CRIPT: variants seen among roughly 807,000 people sequenced by gnomAD.
CRIPT encodes cysteine-rich PDZ-binding protein.
A neutral mutation model predicts 16.6 loss-of-function variants in CRIPT; 20 were observed. That is an observed-to-expected ratio of 1.20 (90% confidence interval 0.85 to 1.75). CRIPT has a LOEUF of 1.75. Ranked by LOEUF, CRIPT falls within the 40% of genes most tolerant of loss-of-function variation. The probability of loss-of-function intolerance (pLI) is 0.00; values close to 1 mark genes in which losing one functional copy is unlikely to be tolerated. For missense variants in CRIPT, 133 were observed against 115.3 expected (o/e 1.15, Z -0.70); for synonymous variants, 42 against 37.0 (o/e 1.14, Z -0.49).
chr2:46,620,964 A>C (rs1237225432), intron 3 of CRIPT, among the ~76,000 whole-genome samples: 1 of 151,956 alleles, frequency 6.6e-6, no homozygotes, highest in African/African-American at 2.4e-5. Context: ...ATCCATCAGC[A>C]AGTTCTTTGG....
rs1194371105 is a variant in CRIPT, at chr2:46,626,491, AC to A, written c.*2265del. ...TGGTTCAAATGGTAGTTCTGTTTTA[AC>A]TTCTTTGAGAAATCTCCAAACTGCT... On this transcript the variant is annotated 3_prime_UTR_variant, in exon 5 of 5. Coordinates refer to ENST00000238892, the MANE Select transcript of CRIPT (RefSeq NM_014171.6). 6.6e-6 allele frequency among the ~76,000 whole-genome samples: 1 copy of A among 152,098 alleles called. No homozygotes were observed. Among genetic ancestry groups the A allele is most frequent in the Non-Finnish European group, 1.5e-5 (1 of 68,006 alleles).
At position 46,629,614 on chromosome 2, in the gene CRIPT, T is replaced by G. The variant is rs771051850; in HGVS notation, c.*5387T>G. ...CTTCTATTTGGGTTTTTCTGATGTT[T>G]CCTCATGGTTAGATTGGGGTAGTGC... On this transcript the variant is annotated 3_prime_UTR_variant, in exon 5 of 5. Coordinates refer to ENST00000238892, the MANE Select transcript of CRIPT (RefSeq NM_014171.6). Among the ~76,000 whole-genome samples the G allele has an allele frequency of 6.6e-6, 1 of 152,218 alleles. No homozygotes were observed. Among genetic ancestry groups the G allele is most frequent in the Non-Finnish European group, 1.5e-5 (1 of 68,026 alleles).
Position 46,627,022 on chromosome 2 carries a change from AG to A in CRIPT, c.*2798del, listed in dbSNP as rs1670954226. 6.6e-6 allele frequency among the ~76,000 whole-genome samples: 1 copy of A among 152,046 alleles called. No individual in the cohort carries two copies. Among genetic ancestry groups the A allele is most frequent in the African/African-American group, 2.4e-5 (1 of 41,390 alleles). On this transcript the variant is annotated 3_prime_UTR_variant, in exon 5 of 5. Transcript: ENST00000238892. ...TAATTTTGGTACTTTTAGTAGAGACAGGGTTTCACCATGTTGGCCAGCCTGG... is the reference window on the plus strand; with the variant it reads ...TAATTTTGGTACTTTTAGTAGAGACAGGTTTCACCATGTTGGCCAGCCTGG...
intron 3 of CRIPT, among the ~76,000 whole-genome samples, chr2:46,623,227 A>G (rs1670853316): frequency 1.3e-5 from 2 of 152,200 alleles, no homozygotes; most frequent in Admixed American, 6.5e-5. Context: ...ATCGACTGAT[A>G]AGTGCTTTAC....
chr2:46,629,657 T>C lies in CRIPT; in HGVS notation c.*5430T>C, dbSNP rs1340972174. ...GGTAGTGCAGTGAGGGTTGAAATGC[T>C]GTAAGTGATATGTATTGCAGGTATA... On this transcript the variant is annotated 3_prime_UTR_variant, in exon 5 of 5. Transcript: ENST00000238892. Among the ~76,000 whole-genome samples, 1 of 152,248 alleles carries C rather than the reference T, an allele frequency of 6.6e-6. No homozygotes were observed. The highest frequency in any genetic ancestry group is 1.9e-4 in the East Asian group (1 of 5,208).
At chr2:46,622,171 C>T (rs1433275893) in intron 3 of CRIPT, among the ~76,000 whole-genome samples, 1 of 151,042 alleles carries the variant, frequency 6.6e-6, no homozygotes, top group East Asian at 2.0e-4. Context: ...AGATCGAGAC[C>T]ATCCTGGCTA....
chr2:46,623,655 G>C (rs1206595491), intron 3 of CRIPT, 109 bp from the exon 4 acceptor site: 1 of 605,626 alleles, frequency 1.7e-6, no homozygotes, highest in Non-Finnish European at 2.9e-6. Context: ...TGTAGAGGTT[G>C]ATGGAGGGAT....
In CRIPT at chr2:46,624,211, A is replaced by G. The variant is rs2104175632; in HGVS notation, c.290A>G (p.Lys97Arg). 4 of 1,580,594 alleles carry G rather than the reference A, an allele frequency of 2.5e-6. No homozygotes were observed. The East Asian group carries it at 9.2e-5, about 36-fold the overall frequency. ...GKKVLDTKNY[K>R]QTSV ...AAGGTTTTGGATACCAAAAACTACA[A>G]GCAAACATCTGTCTAGATGTATTGA... Residue 97 changes from lysine to arginine, a missense_variant, in exon 5 of 5, where the codon AAG becomes AGG. Physicochemically the swap from Lys to Arg is conservative, Grantham distance 26. Transcript: ENST00000238892.
At chr2:46,622,045 A>T (rs1356737221) in intron 3 of CRIPT, among the ~76,000 whole-genome samples, 1 of 152,224 alleles carries the variant, frequency 6.6e-6, no homozygotes, top group Non-Finnish European at 1.5e-5. Flanking sequence ...ATGCATTGTT[A>T]CTTTAAGAAA....
At chr2:46,617,968 T>G (rs1670706663) in intron 1 of CRIPT, among the ~76,000 whole-genome samples, 1 of 151,084 alleles carries the variant, frequency 6.6e-6, no homozygotes, top group South Asian at 2.1e-4. Flanking sequence ...AAAATACTCT[T>G]TGTGCCCATG....
chr2:46,627,776 G>A lies in CRIPT; in HGVS notation c.*3549G>A, dbSNP rs890422791. Among the ~76,000 whole-genome samples, 1 of 152,032 alleles carries A rather than the reference G, an allele frequency of 6.6e-6. No individual in the cohort carries two copies. Among genetic ancestry groups the A allele is most frequent in the African/African-American group, 2.4e-5 (1 of 41,400 alleles). On this transcript the variant is annotated 3_prime_UTR_variant, in exon 5 of 5. Coordinates refer to ENST00000238892, the MANE Select transcript of CRIPT (RefSeq NM_014171.6). ...ATTTAAATCTTTAATCTATCTTGAG[G>A]TAATTTTATATATATGGTGAAAGGG... is the stretch of plus-strand genomic sequence containing the variant.
chr2:46,617,341 A>G, intron 1 of CRIPT, 43 bp downstream of exon 1: 2 of 1,548,452 alleles, frequency 1.3e-6, no homozygotes, highest in Non-Finnish European at 1.7e-6. Context: ...AGGCTGGGAG[A>G]ACCTAACTGA....
At chr2:46,618,955 A>G (rs1382017302) in intron 2 of CRIPT, 117 bp downstream of exon 2, 2 of 615,774 alleles carry the variant, frequency 3.2e-6, no homozygotes, top group Non-Finnish European at 2.8e-6. Context: ...TATCTATTAA[A>G]CATTAAAGAA....
chr2:46,623,773 A>G lies in CRIPT; in HGVS notation c.147A>G (p.Pro49=), dbSNP rs370491931. The change falls in exon 4 of 5, where the codon CCA becomes CCG. Residue 49 remains proline, a synonymous_variant. Coordinates refer to ENST00000238892, the MANE Select transcript of CRIPT (RefSeq NM_014171.6). ...ALTSKKARFD[P]YGKNKFSTCR... ...TAAAAAAAATTTCTAGATTTGATCC[A>G]TATGGAAAGAATAAGTTCTCCACTT... The G allele has an allele frequency of 1.9e-6, 3 of 1,599,246 alleles. No individual in the cohort carries two copies. The highest frequency in any genetic ancestry group is 2.6e-6 in the Non-Finnish European group (3 of 1,170,812).
Position 46,628,309 on chromosome 2 carries a change from A to C in CRIPT, c.*4082A>C, listed in dbSNP as rs1403149521. The stretch of plus-strand genomic sequence containing the variant: ...GTAATTTTAGTAGAGATGGGGTTTC[A>C]TCATCTTAGCCAGGCTGGTCTTGAA... On this transcript the variant is annotated 3_prime_UTR_variant, in exon 5 of 5. Transcript: ENST00000238892. 6.6e-6 allele frequency among the ~76,000 whole-genome samples: 1 copy of C among 151,938 alleles called. No homozygotes were observed. Among genetic ancestry groups the C allele is most frequent in the Non-Finnish European group, 1.5e-5 (1 of 67,956 alleles).
At chr2:46,619,942 A>G (rs1558717449) in intron 3 of CRIPT, among the ~76,000 whole-genome samples, 2 of 152,180 alleles carry the variant, frequency 1.3e-5, no homozygotes, top group Non-Finnish European at 2.9e-5. Context: ...CTTCTTAATT[A>G]TCTTATGAAT....
At position 46,624,625 on chromosome 2, in the gene CRIPT, G is replaced by A. The variant is rs1670890052; in HGVS notation, c.*398G>A. ...ACATTTCTCCCCTCACTCCCTTGCT[G>A]GTGTCATAGTTATTAGAATCAGCAG... On this transcript the variant is annotated 3_prime_UTR_variant, in exon 5 of 5. Transcript: ENST00000238892. 1 of 153,496 alleles carries A rather than the reference G, an allele frequency of 6.5e-6. No homozygotes were observed. Among genetic ancestry groups the A allele is most frequent in the Non-Finnish European group, 1.5e-5 (1 of 68,932 alleles). The allele number at this position is 153,496 out of a possible 1,614,324, so 9.5% of individuals were successfully genotyped here.
rs1670920142 is a variant in CRIPT, at chr2:46,625,613, A to G, written c.*1386A>G. 6.6e-6 allele frequency: 1 copy of G among 152,096 alleles called. No homozygotes were observed. The highest frequency in any genetic ancestry group is 2.1e-4 in the South Asian group (1 of 4,828). The allele number at this position is 152,096 out of a possible 1,614,324, so 9.4% of individuals were successfully genotyped here. Reference sequence around the variant, plus strand: ...TTTTATTGGTCATAACATTTTGATGAAAAGCATTTAAAGTTTTAACTTTAT... The same window carrying G: ...TTTTATTGGTCATAACATTTTGATGGAAAGCATTTAAAGTTTTAACTTTAT... On this transcript the variant is annotated 3_prime_UTR_variant, in exon 5 of 5. Transcript: ENST00000238892.
At position 46,626,740 on chromosome 2, in the gene CRIPT, TTGTTAACCGCTTGTA is replaced by T. The variant is rs1179055072; in HGVS notation, c.*2518_*2532del. On this transcript the variant is annotated 3_prime_UTR_variant, in exon 5 of 5. Coordinates refer to ENST00000238892, the MANE Select transcript of CRIPT (RefSeq NM_014171.6). ...AGTAATGTTGAGCATTTTTTCATGTTTGTTAACCGCTTGTATGTTGTCTTTTGAGAAGTGTCTGTT... is the reference window on the plus strand; with the variant it reads ...AGTAATGTTGAGCATTTTTTCATGTTTGTTGTCTTTTGAGAAGTGTCTGTT... Among the ~76,000 whole-genome samples, 2 of 152,186 alleles carry T rather than the reference TTGTTAACCGCTTGTA, an allele frequency of 1.3e-5. No homozygotes were observed. The highest frequency in any genetic ancestry group is 6.5e-5 in the Admixed American group (1 of 15,272).
Sources: gnomAD v4.1 joint callset for allele counts (sites outside exome capture counted in the v4.1 genomes callset) on GRCh38, gnomAD v4.1.1 for gene constraint, MANE v1.5 for transcripts, NCBI Gene and HGNC (gene_info 2026-07-23, HGNC 2026-07-21) for gene names.